The following CDC40 variants were observed in gnomAD, a reference collection of about 807,000 sequenced individuals.
The protein encoded by CDC40 is cell division cycle 40.
CDC40 carries 27 observed loss-of-function variants against 80.6 expected under a neutral mutation model. That is an observed-to-expected ratio of 0.33 (90% CI 0.25 to 0.46). The LOEUF (loss-of-function observed/expected upper bound fraction) is 0.46. Among genes scored for constraint, CDC40 ranks in the 20% least tolerant of loss-of-function variants. CDC40 has a pLI of 1.00. For synonymous variants in CDC40, 221 were observed against 232.6 expected, an observed-to-expected ratio of 0.95 and a Z score of 0.45; for missense variants, 486 against 694.1, an observed-to-expected ratio of 0.70 and a Z score of 3.37.
rs1562200271 is a variant in CDC40, at chr6:110,193,286, AGGTTCT to A, written c.276+20_276+25del. The stretch of plus-strand genomic sequence containing the variant: ...CTCCTGAGGTAAGAAAACATACTTA[AGGTTCT>A]GACTTTTGCTAAAGAATTTAAATCA... On this transcript the variant is annotated intron_variant, in intron 2 of 14. Coordinates refer to ENST00000307731, the MANE Select transcript of CDC40 (RefSeq NM_015891.3). 1.4e-6 allele frequency: 2 copies of A among 1,409,082 alleles called. No individual in the cohort carries two copies. Among genetic ancestry groups the A allele is most frequent in the Non-Finnish European group, 2.0e-6 (2 of 995,148 alleles). 87.3% of individuals were successfully genotyped at this position (1,409,082 alleles called of 1,614,324 possible). A position where few individuals can be genotyped will look rare whatever the true frequency, so the allele number is the denominator to read the frequency against.
intron 7 of CDC40, 61 bp downstream of exon 7, chr6:110,212,333 T>G: frequency 6.5e-7 from 1 of 1,536,830 alleles, no homozygotes; most frequent in Non-Finnish European, 9.0e-7. Context: ...AACGTAAAGT[T>G]TTAGCTGTTG....
chr6:110,227,490 C>T (rs150387544), intron 13 of CDC40, among the ~76,000 whole-genome samples: 28 of 152,210 alleles, frequency 1.8e-4, no homozygotes, highest in East Asian at 5.8e-4. Context: ...TTTCATGTAG[C>T]GTATTTTTAA....
intron 12 of CDC40, among the ~76,000 whole-genome samples, chr6:110,223,981 C>T (rs1269029567): frequency 2.0e-5 from 3 of 151,800 alleles, no homozygotes; most frequent in African/African-American, 4.8e-5. Flanking sequence ...TACAGTAATG[C>T]GCCACCATGC....
At chr6:110,190,876 C>G (rs2114650029) in intron 1 of CDC40, among the ~76,000 whole-genome samples, 1 of 152,280 alleles carries the variant, frequency 6.6e-6, no homozygotes, top group Non-Finnish European at 1.5e-5. Context: ...CCGGCATGAC[C>G]TCCTCCAGCT....
intron 2 of CDC40, among the ~76,000 whole-genome samples, chr6:110,196,074 C>G (rs542962837): frequency 1.5e-4 from 23 of 152,186 alleles, no homozygotes; most frequent in Non-Finnish European, 3.1e-4. Flanking sequence ...TACCTCATCT[C>G]CTTCAGTCCT....
intron 1 of CDC40, among the ~76,000 whole-genome samples, chr6:110,183,026 G>T (rs1033698058): frequency 1.3e-5 from 2 of 152,240 alleles, no homozygotes; most frequent in South Asian, 4.1e-4. Flanking sequence ...CCTGAAAGCC[G>T]AATTTTCTTT....
chr6:110,228,433 T>C (rs1217413403), intron 13 of CDC40, among the ~76,000 whole-genome samples: 1 of 152,162 alleles, frequency 6.6e-6, no homozygotes, highest in Admixed American at 6.5e-5. Context: ...CCTTAATCTT[T>C]CTTTATTCTG....
chr6:110,184,041 G>C lies in CDC40; in HGVS notation c.189+3408G>C, dbSNP rs182381641. Among the ~76,000 whole-genome samples, 87 of 152,054 alleles carry C rather than the reference G, an allele frequency of 5.7e-4. 1 individual carries two copies. Among genetic ancestry groups the C allele is most frequent in the Admixed American group, 2.4e-3 (37 of 15,280 alleles). ...TTGTCAAATTATTCCTTTATGTATCGGGTTCCTGTTGCTTGTTTGAGAAAT... is the reference window on the plus strand; with the variant it reads ...TTGTCAAATTATTCCTTTATGTATCCGGTTCCTGTTGCTTGTTTGAGAAAT... On this transcript the variant is annotated intron_variant, in intron 1 of 14. Transcript: ENST00000307731.
At chr6:110,181,891 G>A (rs1009726477) in intron 1 of CDC40, among the ~76,000 whole-genome samples, 18 of 152,076 alleles carry the variant, frequency 1.2e-4, no homozygotes, top group Non-Finnish European at 1.2e-4. Context: ...TCTCCGTTTC[G>A]CTTCCATGGG....
intron 5 of CDC40, among the ~76,000 whole-genome samples, chr6:110,210,122 TA>T (rs569021258): frequency 8.8e-4 from 134 of 152,250 alleles, no homozygotes; most frequent in African/African-American, 3.1e-3. Context: ...ATAACTAGTA[TA>T]ACATGTTAAA....
intron 7 of CDC40, among the ~76,000 whole-genome samples, chr6:110,212,675 T>C (rs1449828258): frequency 6.6e-6 from 1 of 152,192 alleles, no homozygotes; most frequent in Non-Finnish European, 1.5e-5. Context: ...TGCGCCCTGG[T>C]TTATAAACTA....
chr6:110,194,955 TA>T (rs1378609269), intron 2 of CDC40, among the ~76,000 whole-genome samples: 5 of 152,222 alleles, frequency 3.3e-5, no homozygotes, highest in African/African-American at 1.2e-4. Flanking sequence ...TTCAGTCCTT[TA>T]ATGTTCTTTT....
intron 2 of CDC40, among the ~76,000 whole-genome samples, chr6:110,199,593 C>CAAA (rs551892639): frequency 3.6e-5 from 3 of 83,498 alleles, no homozygotes; most frequent in Admixed American, 1.2e-4. Flanking sequence ...GACCCTGTCT[C>CAAA]AAAAAAAAAA....
chr6:110,192,872 G>A (rs1426816477), intron 1 of CDC40, among the ~76,000 whole-genome samples: 1 of 152,042 alleles, frequency 6.6e-6, no homozygotes, highest in Non-Finnish European at 1.5e-5. Context: ...GTAGAGGTTC[G>A]GGTCTTTTGA....
intron 13 of CDC40, among the ~76,000 whole-genome samples, chr6:110,227,594 A>G (rs1017393897): frequency 6.6e-6 from 1 of 152,226 alleles, no homozygotes; most frequent in Non-Finnish European, 1.5e-5. Flanking sequence ...TAATGTTTAC[A>G]TGTACAGTTG....
intron 1 of CDC40, among the ~76,000 whole-genome samples, chr6:110,183,107 A>C (rs941103102): frequency 6.6e-6 from 1 of 151,552 alleles, no homozygotes; most frequent in Non-Finnish European, 1.5e-5. Context: ...TCCTTCCCCC[A>C]CTCCAAACAC....
At chr6:110,223,556 C>T (rs1314245561) in intron 12 of CDC40, among the ~76,000 whole-genome samples, 3 of 152,142 alleles carry the variant, frequency 2.0e-5, no homozygotes, top group African/African-American at 7.2e-5. Context: ...TGGCCACTTG[C>T]TTAGGAGAGG....
At chr6:110,197,574 A>G (rs988765888) in intron 2 of CDC40, among the ~76,000 whole-genome samples, 2 of 151,806 alleles carry the variant, frequency 1.3e-5, no homozygotes, top group African/African-American at 4.8e-5. Flanking sequence ...CATCACCCAA[A>G]ACCCCTCCAT....
intron 1 of CDC40, among the ~76,000 whole-genome samples, chr6:110,192,358 G>A (rs1048944316): frequency 6.6e-6 from 1 of 152,208 alleles, no homozygotes; most frequent in Admixed American, 6.5e-5. Flanking sequence ...ATAAAATAAA[G>A]AGGAATCAAG....
Sources: gnomAD v4.1 joint callset for allele counts (sites outside exome capture counted in the v4.1 genomes callset) on GRCh38, gnomAD v4.1.1 for gene constraint, MANE v1.5 for transcripts, NCBI Gene and HGNC (gene_info 2026-07-23, HGNC 2026-07-21) for gene names.